The following ARID4A variants were observed in gnomAD, a reference collection of about 807,000 sequenced individuals.
ARID4A encodes the protein AT-rich interactive domain-containing protein 4A.
Under a neutral mutation model 148.6 loss-of-function variants are expected in ARID4A, and 39 were observed. The observed-to-expected ratio is 0.26, with a 90% CI of 0.20 to 0.34. ARID4A has a LOEUF of 0.34. ARID4A is among the 10% of genes least tolerant of loss of function. ARID4A has a pLI of 1.00. For missense variants in ARID4A, 1,265 were observed against 1,449.1 expected (o/e 0.87, Z 2.06); for synonymous variants, 475 against 481.2 (o/e 0.99, Z 0.17).
Position 58,310,751 on chromosome 14 carries a change from G to A in ARID4A, c.274+4639G>A, listed in dbSNP as rs145038586. Reference sequence around the variant, plus strand: ...TTTTTTTAATGACCCCAGAAGCACAGGCAGAAAAGCAAAACTAGACACCTG... The same window carrying A: ...TTTTTTTAATGACCCCAGAAGCACAAGCAGAAAAGCAAAACTAGACACCTG... On this transcript the variant is annotated intron_variant, in intron 5 of 23. Transcript: ENST00000355431. Among the ~76,000 whole-genome samples the A allele has an allele frequency of 2.2e-3, 336 of 149,506 alleles. 2 individuals are homozygous for A. The highest frequency in any genetic ancestry group is 7.4e-3 in the African/African-American group (300 of 40,544).
chr14:58,329,400 A>G (rs943768473), intron 9 of ARID4A, 128 bp from the exon 10 acceptor site: 4 of 657,910 alleles, frequency 6.1e-6, no homozygotes, highest in Non-Finnish European at 1.1e-5. Flanking sequence ...TTAAGGACTA[A>G]GATAAAAACA....
At position 58,348,206 on chromosome 14, in the gene ARID4A, T is replaced by A. The variant is rs373186415; in HGVS notation, c.1404+328T>A. 7.2e-5 allele frequency among the ~76,000 whole-genome samples: 11 copies of A among 152,342 alleles called. 1 individual carries two copies. Among genetic ancestry groups the A allele is most frequent in the African/African-American group, 2.6e-4 (11 of 41,574 alleles). ...CTGAAATTGTAACCTGCCTCCTCTC[T>A]TTGGAACTCTCAGTCCCTCTGATGT... On this transcript the variant is annotated intron_variant, in intron 15 of 23. Coordinates refer to ENST00000355431, the MANE Select transcript of ARID4A (RefSeq NM_002892.4).
At chr14:58,356,353 A>T (rs1464071269) in intron 17 of ARID4A, among the ~76,000 whole-genome samples, 1 of 152,162 alleles carries the variant, frequency 6.6e-6, no homozygotes, top group Non-Finnish European at 1.5e-5. Flanking sequence ...TGATTTTACT[A>T]TATGTCTATC....
rs567217177 is a variant in ARID4A at position 58,349,470 on chromosome 14, C to A, written c.1404+1592C>A. On this transcript the variant is annotated intron_variant, in intron 15 of 23. Transcript: ENST00000355431. ...GACCAGCCTCGCCAATATGGTGAAA[C>A]CCCATCTCTACTAAAAATACAAAAA... 2.6e-3 allele frequency among the ~76,000 whole-genome samples: 390 copies of A among 151,588 alleles called. 2 individuals carry two copies. The highest frequency in any genetic ancestry group is 7.4e-3 in the East Asian group (38 of 5,122).
intron 9 of ARID4A, among the ~76,000 whole-genome samples, chr14:58,329,110 G>A (rs1291692849): frequency 3.9e-5 from 6 of 151,910 alleles, no homozygotes; most frequent in Non-Finnish European, 8.8e-5. Flanking sequence ...AAAATTTAAT[G>A]CCATAATATA....
chr14:58,326,720 C>T (rs897223692), intron 8 of ARID4A, among the ~76,000 whole-genome samples: 1 of 152,150 alleles, frequency 6.6e-6, no homozygotes, highest in Non-Finnish European at 1.5e-5. Flanking sequence ...ATTTGAAGGC[C>T]ATTAAATAGT....
intron 5 of ARID4A, among the ~76,000 whole-genome samples, chr14:58,307,606 G>A (rs1168967791): frequency 6.6e-6 from 1 of 152,192 alleles, no homozygotes; most frequent in Non-Finnish European, 1.5e-5. Context: ...GATCACCTGA[G>A]GTCAAGAGTT....
rs2035379809 is a variant in ARID4A, at chr14:58,366,870, T to TC, written c.3524-7dup. On this transcript the variant is annotated splice_polypyrimidine_tract_variant and intron_variant, in intron 22 of 23. Coordinates refer to ENST00000355431, the MANE Select transcript of ARID4A (RefSeq NM_002892.4). ...ATTTTAAAATCCAAATTAACTTCTT[T>TC]CCCCCCTTTTAGATGAATTAGATAA... is the stretch of plus-strand genomic sequence containing the variant. The TC allele has an allele frequency of 5.4e-6, 8 of 1,485,448 alleles. No individual in the cohort carries two copies. Among genetic ancestry groups the TC allele is most frequent in the South Asian group, 1.4e-5 (1 of 69,752 alleles). 92.0% of individuals were successfully genotyped at this position (1,485,448 alleles called of 1,614,324 possible).
intron 16 of ARID4A, among the ~76,000 whole-genome samples, chr14:58,352,983 A>G (rs1405318321): frequency 6.6e-6 from 1 of 152,192 alleles, no homozygotes; most frequent in Non-Finnish European, 1.5e-5. Context: ...GTGGTATCCT[A>G]CAGTGTCAAC....
chr14:58,306,177 T>C (rs945673107), intron 5 of ARID4A, 65 bp downstream of exon 5: 2 of 1,114,092 alleles, frequency 1.8e-6, no homozygotes, highest in African/African-American at 1.5e-5. Context: ...GTTTTGTGGA[T>C]ACACTGAATC....
intron 3 of ARID4A, among the ~76,000 whole-genome samples, chr14:58,302,691 A>G (rs1407726993): frequency 6.6e-6 from 1 of 152,058 alleles, no homozygotes; most frequent in African/African-American, 2.4e-5. Context: ...GAAGTGGCTC[A>G]CACCTGCAGT....
chr14:58,315,612 A>C (rs911009164), intron 5 of ARID4A, among the ~76,000 whole-genome samples: 1 of 152,176 alleles, frequency 6.6e-6, no homozygotes. Context: ...ATTCTTTTTG[A>C]AATCTTATAC....
At chr14:58,324,432 C>A (rs2033104653) in intron 8 of ARID4A, among the ~76,000 whole-genome samples, 1 of 151,992 alleles carries the variant, frequency 6.6e-6, no homozygotes, top group Non-Finnish European at 1.5e-5. Context: ...TGTGCCTCCA[C>A]ACCTGGCTAT....
At chr14:58,353,418 T>TCGTTAAAA in intron 16 of ARID4A, 1 of 383,710 alleles carries the variant, frequency 2.6e-6, no homozygotes, top group Non-Finnish European at 4.6e-6. Context: ...TCGTTAACTG[T>TCGTTAAAA]GACTTGATTG....
At chr14:58,367,054 C>A in intron 23 of ARID4A, 25 bp downstream of exon 23, 2 of 1,402,308 alleles carry the variant, frequency 1.4e-6, no homozygotes, top group South Asian at 1.8e-5. Flanking sequence ...ATTTTTCTCC[C>A]CTTATATTTC....
intron 8 of ARID4A, 37 bp downstream of exon 8, chr14:58,323,654 T>G: frequency 1.3e-6 from 2 of 1,532,692 alleles, no homozygotes; most frequent in Non-Finnish European, 1.8e-6. Flanking sequence ...ATCAGCCGTC[T>G]AAATATTTGT....
rs770924639 is a variant in ARID4A, at chr14:58,364,707, A to G, written c.2618A>G (p.Asn873Ser). The G allele has an allele frequency of 1.2e-6, 2 of 1,613,840 alleles. No homozygotes were observed. The highest frequency in any genetic ancestry group is 1.7e-6 in the Non-Finnish European group (2 of 1,179,974). The part of the protein sequence containing the change: ...SSPEKKIRIE[N>S]GMEMTNTVSQ... ...CCAGAGAAAAAAATAAGAATTGAGA[A>G]TGGAATGGAAATGACAAATACTGTA... The change falls in exon 20 of 24, where the codon AAT becomes AGT. Residue 873 changes from asparagine to serine, a missense_variant. Asn to Ser is a conservative substitution (Grantham distance 46). Around this residue, in one of 9 missense-constraint regions of ARID4A, gnomAD observed 666 missense variants for 730.9 expected, o/e 0.91. Coordinates refer to ENST00000355431, the MANE Select transcript of ARID4A (RefSeq NM_002892.4).
At chr14:58,327,423 G>A (rs1362615563) in intron 8 of ARID4A, among the ~76,000 whole-genome samples, 1 of 151,782 alleles carries the variant, frequency 6.6e-6, no homozygotes, top group Non-Finnish European at 1.5e-5. Context: ...CAGAAGTTAA[G>A]AAATTAAAAA....
Position 58,366,165 on chromosome 14 carries a change from A to G in ARID4A, c.3458A>G (p.Lys1153Arg), listed in dbSNP as rs754400641. The change falls in exon 22 of 24, where the codon AAA becomes AGA. Residue 1153 changes from lysine (K) to arginine (R), a missense_variant. Transcript: ENST00000355431. ...RISPHIKDGEKDKHREKHPNS... is the reference protein window; with the variant it reads ...RISPHIKDGERDKHREKHPNS... Reference sequence around the variant, plus strand: ...TCCCCGCACATCAAAGATGGAGAGAAAGATAAACACAGAGAAAAACATCCG... The same window carrying G: ...TCCCCGCACATCAAAGATGGAGAGAGAGATAAACACAGAGAAAAACATCCG... 1.2e-6 allele frequency: 2 copies of G among 1,613,982 alleles called. No individual in the cohort carries two copies. The highest frequency in any genetic ancestry group is 2.7e-5 in the African/African-American group (2 of 75,048).
Sources: gnomAD v4.1 joint callset for allele counts (sites outside exome capture counted in the v4.1 genomes callset) on GRCh38, gnomAD v4.1.1 for gene constraint, gnomAD v4.1.1 regional missense constraint, MANE v1.5 for transcripts, NCBI Gene and HGNC (gene_info 2026-07-23, HGNC 2026-07-21) for gene names.